Variants in PTPRD observed in about 807,000 individuals in gnomAD.
The protein encoded by PTPRD is receptor-type tyrosine-protein phosphatase delta.
A neutral mutation model predicts 214.5 loss-of-function variants in PTPRD; 34 were observed. That is an observed-to-expected ratio of 0.16 (90% CI 0.12 to 0.21). The LOEUF is 0.21. Ranked by LOEUF, PTPRD falls within the 10% of genes least tolerant of loss-of-function variation. The probability of loss-of-function intolerance (pLI) is 1.00; values close to 1 mark genes in which losing one functional copy is unlikely to be tolerated. For missense variants in PTPRD, 2,545 were observed against 2,398.7 expected (o/e 1.06, Z -1.27); for synonymous variants, 1,128 against 845.7 (o/e 1.33, Z -5.79).
chr9:8,849,769 C>G (rs1477886885), intron 11 of PTPRD, among the ~76,000 whole-genome samples: 1 of 152,100 alleles, frequency 6.6e-6, no homozygotes, highest in Non-Finnish European at 1.5e-5. Context: ...AGGGAGAAGG[C>G]TAGACATGCA....
chr9:9,247,336 T>G (rs1331167707), intron 9 of PTPRD, among the ~76,000 whole-genome samples: 1 of 152,028 alleles, frequency 6.6e-6, no homozygotes, highest in Non-Finnish European at 1.5e-5. Context: ...CATTTCTACC[T>G]GGCTGTCCAC....
intron 11 of PTPRD, among the ~76,000 whole-genome samples, chr9:8,866,126 A>G (rs2098191725): frequency 6.6e-6 from 1 of 152,150 alleles, no homozygotes; most frequent in Non-Finnish European, 1.5e-5. Flanking sequence ...TGATTTTCAA[A>G]ACTCATTGGC....
chr9:8,383,219 T>C (rs544777416), intron 37 of PTPRD, among the ~76,000 whole-genome samples: 10 of 134,284 alleles, frequency 7.4e-5, no homozygotes, highest in African/African-American at 3.2e-4. Context: ...CTTTTAGCCA[T>C]AGAACAAAAT....
At chr9:10,430,718 T>C (rs1156533226) in intron 2 of PTPRD, among the ~76,000 whole-genome samples, 1 of 151,910 alleles carries the variant, frequency 6.6e-6, no homozygotes, top group Non-Finnish European at 1.5e-5. Flanking sequence ...AATCTATTAT[T>C]AGTTAATATT....
At chr9:9,607,150 A>C (rs1225900144) in intron 7 of PTPRD, among the ~76,000 whole-genome samples, 1 of 152,046 alleles carries the variant, frequency 6.6e-6, no homozygotes, top group Non-Finnish European at 1.5e-5. Flanking sequence ...ATTTATGCAC[A>C]TCAAAGCCCT....
chr9:9,526,280 C>T (rs530035518), intron 8 of PTPRD, among the ~76,000 whole-genome samples: 17 of 152,158 alleles, frequency 1.1e-4, no homozygotes, highest in African/African-American at 4.1e-4. Flanking sequence ...ATTAATGGTG[C>T]TTTTATGACT....
chr9:9,044,540 T>C (rs1347632152), intron 10 of PTPRD, among the ~76,000 whole-genome samples: 1 of 152,202 alleles, frequency 6.6e-6, no homozygotes, highest in African/African-American at 2.4e-5. Context: ...GGCATTTCTG[T>C]TTCTTCCATG....
intron 5 of PTPRD, among the ~76,000 whole-genome samples, chr9:9,771,121 A>C (rs529067050): frequency 6.6e-6 from 1 of 152,300 alleles, no homozygotes; most frequent in African/African-American, 2.4e-5. Flanking sequence ...CTTATGCCCA[A>C]TCTGAATGTT....
Position 9,219,537 on chromosome 9 carries a change from AG to A in PTPRD, c.-202-36175del, listed in dbSNP as rs1346237082. On this transcript the variant is annotated intron_variant, in intron 9 of 45. Transcript: ENST00000381196. ...GCTCAGTTTGTATTTAAAGTCATAG[AG>A]ATACATTTTAAATTCTTTCCCAATA... Among the ~76,000 whole-genome samples the A allele has an allele frequency of 2.0e-5, 3 of 152,154 alleles. No individual in the cohort carries two copies. In the East Asian group the frequency reaches 5.8e-4, roughly 29 times the overall value.
At chr9:9,764,584 G>C (rs983618334) in intron 6 of PTPRD, among the ~76,000 whole-genome samples, 8 of 151,936 alleles carry the variant, frequency 5.3e-5, no homozygotes, top group African/African-American at 1.5e-4. Context: ...ACAAAATCCA[G>C]CTGATTACAG....
chr9:9,731,107 T>C (rs558201892), intron 7 of PTPRD, among the ~76,000 whole-genome samples: 1 of 152,208 alleles, frequency 6.6e-6, no homozygotes, highest in Non-Finnish European at 1.5e-5. Context: ...GTAAATATTT[T>C]ACCTGCTATG....
At chr9:9,368,187 C>T (rs993504032) in intron 9 of PTPRD, among the ~76,000 whole-genome samples, 1 of 151,810 alleles carries the variant, frequency 6.6e-6, no homozygotes, top group African/African-American at 2.4e-5. Context: ...TTATATCCTA[C>T]TTCTTCCACT....
chr9:9,476,933 C>G (rs2095089568), intron 8 of PTPRD, among the ~76,000 whole-genome samples: 1 of 151,884 alleles, frequency 6.6e-6, no homozygotes, highest in African/African-American at 2.4e-5. Flanking sequence ...CGGGGTTTCT[C>G]TGTGTTAGTC....
intron 39 of PTPRD, among the ~76,000 whole-genome samples, chr9:8,357,062 A>G (rs1209191522): frequency 2.6e-5 from 4 of 152,198 alleles, no homozygotes; most frequent in Non-Finnish European, 5.9e-5. Flanking sequence ...ACTCATGGAT[A>G]TCTATTTTAC....
At chr9:9,476,799 C>T (rs751272804) in intron 8 of PTPRD, among the ~76,000 whole-genome samples, 1 of 151,874 alleles carries the variant, frequency 6.6e-6, no homozygotes, top group Non-Finnish European at 1.5e-5. Context: ...GCGATGGCAC[C>T]ATCTTGGCTC....
intron 7 of PTPRD, among the ~76,000 whole-genome samples, chr9:9,619,870 TA>T (rs2095136259): frequency 6.7e-6 from 1 of 148,848 alleles, no homozygotes; most frequent in African/African-American, 2.4e-5. Flanking sequence ...AACATCTATA[TA>T]TAATATAGAT....
At chr9:10,286,234 T>C (rs1264875356) in intron 3 of PTPRD, among the ~76,000 whole-genome samples, 1 of 151,984 alleles carries the variant, frequency 6.6e-6, no homozygotes, top group Non-Finnish European at 1.5e-5. Flanking sequence ...TTAAAAAATA[T>C]CTGATGTCCC....
At chr9:9,555,943 A>G (rs1263953355) in intron 8 of PTPRD, among the ~76,000 whole-genome samples, 4 of 152,094 alleles carry the variant, frequency 2.6e-5, no homozygotes, top group Non-Finnish European at 5.9e-5. Context: ...CTTCCTTTTA[A>G]ATTTATTTTT....
At chr9:8,607,102 A>G (rs1178706870) in intron 14 of PTPRD, among the ~76,000 whole-genome samples, 1 of 152,180 alleles carries the variant, frequency 6.6e-6, no homozygotes, top group Admixed American at 6.5e-5. Context: ...AACAAGTTCA[A>G]GAGATCTATT....
Sources: allele counts gnomAD v4.1 joint callset (sites outside exome capture counted in the v4.1 genomes callset), GRCh38; gene constraint gnomAD v4.1.1; transcripts MANE v1.5; gene names NCBI Gene and HGNC (gene_info 2026-07-23, HGNC 2026-07-21).